Variants in PHAX observed in about 807,000 individuals in gnomAD.
The protein encoded by PHAX is phosphorylated adapter RNA export protein.
Under a neutral mutation model 41.6 loss-of-function variants are expected in PHAX, and 31 were observed. The observed-to-expected ratio is 0.75, with a 90% CI of 0.56 to 1.01. The LOEUF is 1.01. Ranked by LOEUF, PHAX falls within the 50% of genes least tolerant of loss-of-function variation. The pLI is 0.00. For missense variants in PHAX, 453 were observed against 472.9 expected, an observed-to-expected ratio of 0.96 and a Z score of 0.39; for synonymous variants, 175 against 164.9, an observed-to-expected ratio of 1.06 and a Z score of -0.47.
intron 3 of PHAX, among the ~76,000 whole-genome samples, chr5:126,610,263 G>GTA (rs1561680367): frequency 3.3e-5 from 5 of 152,178 alleles, no homozygotes; most frequent in Admixed American, 1.3e-4. Context: ...GAGCACTGGC[G>GTA]GTTATAGAAG....
intron 2 of PHAX, among the ~76,000 whole-genome samples, chr5:126,608,140 A>T (rs1382865081): frequency 7.2e-5 from 11 of 152,174 alleles, no homozygotes; most frequent in Admixed American, 7.2e-4. Flanking sequence ...CAATAAGACA[A>T]ATAAGCCAAT....
At chr5:126,614,632 A>T (rs745464797) in intron 3 of PHAX, among the ~76,000 whole-genome samples, 68 of 152,108 alleles carry the variant, frequency 4.5e-4, no homozygotes, top group Non-Finnish European at 8.1e-4. Context: ...TACACTTAAA[A>T]ATTGTGAAGA....
In PHAX at chr5:126,624,689, C is replaced by G. The variant is rs1561684123; in HGVS notation, c.1030C>G (p.Gln344Glu). The G allele has an allele frequency of 6.2e-7, 1 of 1,613,962 alleles. No individual in the cohort carries two copies. The highest frequency in any genetic ancestry group is 8.5e-7 in the Non-Finnish European group (1 of 1,180,000). The change falls in exon 5 of 5, where the codon CAA (glutamine) becomes GAA (glutamate). Residue 344 changes from glutamine (Q) to glutamate (E), a missense_variant. Gln to Glu is a conservative substitution (Grantham distance 29, BLOSUM62 2). Transcript: ENST00000297540. ...ACAAGCTATTAAAAGTCTAAATTTTCAAGAAGATGATGATACATCACGAGA... is the reference window on the plus strand; with the variant it reads ...ACAAGCTATTAAAAGTCTAAATTTTGAAGAAGATGATGATACATCACGAGA... Reference protein sequence around the residue: ...MKQAIKSLNFQEDDDTSRETF... With the variant: ...MKQAIKSLNFEEDDDTSRETF...
At chr5:126,623,021 G>C (rs1752295293) in intron 4 of PHAX, among the ~76,000 whole-genome samples, 1 of 151,940 alleles carries the variant, frequency 6.6e-6, no homozygotes, top group South Asian at 2.1e-4. Context: ...AGCTACTCTA[G>C]AGGCCAAGGC....
chr5:126,616,880 CAAAA>C (rs35808274), intron 3 of PHAX, among the ~76,000 whole-genome samples: 2 of 91,228 alleles, frequency 2.2e-5, no homozygotes, highest in Non-Finnish European at 2.5e-5. Context: ...AACTCCATCT[CAAAA>C]AAAAAAAAAA....
Position 126,608,574 on chromosome 5 carries a change from G to A in PHAX, c.831+90G>A, listed in dbSNP as rs1342554324. The A allele has an allele frequency of 5.1e-6, 5 of 986,544 alleles. No individual in the cohort carries two copies. In the Admixed American group the frequency reaches 1.0e-4, roughly 20 times the overall value. 61.1% of individuals were successfully genotyped at this position (986,544 alleles called of 1,614,324 possible). A position where few individuals can be genotyped will look rare whatever the true frequency, so the allele number is the denominator to read the frequency against. On this transcript the variant is annotated intron_variant, in intron 3 of 4. Coordinates refer to ENST00000297540, the MANE Select transcript of PHAX (RefSeq NM_032177.4). ...ATTTAACTTTGCCCTTGTTGGATCT[G>A]TGATTTATCATGCATTCTTACAGTA... is the stretch of plus-strand genomic sequence containing the variant.
At chr5:126,622,664 A>T (rs2112838967) in intron 4 of PHAX, among the ~76,000 whole-genome samples, 1 of 152,158 alleles carries the variant, frequency 6.6e-6, no homozygotes, top group Non-Finnish European at 1.5e-5. Context: ...ACTCAGTGTT[A>T]CCAAGCATTA....
chr5:126,607,984 T>G (rs35626152), intron 2 of PHAX, among the ~76,000 whole-genome samples: 9,136 of 152,246 alleles, frequency 0.06, 330 homozygotes, highest in South Asian at 0.11. Flanking sequence ...ATCTCTGGAA[T>G]TATGTGAGCC....
At chr5:126,618,390 A>G (rs1217884787) in intron 4 of PHAX, among the ~76,000 whole-genome samples, 3 of 152,134 alleles carry the variant, frequency 2.0e-5, no homozygotes, top group Non-Finnish European at 2.9e-5. Flanking sequence ...CCAAAAAAAA[A>G]ATACAAAAAA....
chr5:126,626,803 T>TGGGA lies in PHAX; in HGVS notation c.*1962_*1965dup, dbSNP rs1355087841. On this transcript the variant is annotated 3_prime_UTR_variant, in exon 5 of 5. Transcript: ENST00000297540. ...GTGCATGCCTGTAATCTCAGCTATT[T>TGGGA]GGGAGGCCGAGGCAGGAGAATCACT... 7.5e-6 allele frequency: 1 copy of TGGGA among 133,186 alleles called. No individual in the cohort carries two copies. The highest frequency in any genetic ancestry group is 2.2e-4 in the East Asian group (1 of 4,576). 8.3% of individuals were successfully genotyped at this position (133,186 alleles called of 1,614,324 possible).
At chr5:126,609,008 AAAAC>A (rs1390078261) in intron 3 of PHAX, among the ~76,000 whole-genome samples, 1 of 152,010 alleles carries the variant, frequency 6.6e-6, no homozygotes, top group East Asian at 1.9e-4. Flanking sequence ...CCCTGACAAA[AAAAC>A]AAACAAACAA....
chr5:126,608,598 T>C (rs1363932668), intron 3 of PHAX, 114 bp downstream of exon 3: 1 of 812,736 alleles, frequency 1.2e-6, no homozygotes. Flanking sequence ...ATTCTTACAG[T>C]ATGTTTGAAG....
intron 3 of PHAX, among the ~76,000 whole-genome samples, chr5:126,616,017 A>G (rs1170899805): frequency 1.3e-5 from 2 of 148,674 alleles, no homozygotes; most frequent in Admixed American, 1.4e-4. Context: ...AATATTTTCC[A>G]TGGTGGCTAC....
rs200193170 is a variant in PHAX, at chr5:126,624,662, A to G, written c.1003A>G (p.Lys335Glu). 14 of 1,614,068 alleles carry G rather than the reference A, an allele frequency of 8.7e-6. No individual in the cohort carries two copies. Among genetic ancestry groups the G allele is most frequent in the Non-Finnish European group, 1.2e-5 (14 of 1,179,920 alleles). ...RRTQVLGKKM[K>E]QAIKSLNFQE... ...AACACAAGTGTTGGGGAAAAAGATG[A>G]AACAAGCTATTAAAAGTCTAAATTT... Residue 335 changes from lysine to glutamate, a missense_variant, in exon 5 of 5, where the codon AAA becomes GAA. Lys to Glu is a moderately conservative substitution (Grantham distance 56). Transcript: ENST00000297540.
At chr5:126,601,536 C>T (rs1223683576) in intron 1 of PHAX, among the ~76,000 whole-genome samples, 5 of 152,222 alleles carry the variant, frequency 3.3e-5, no homozygotes, top group African/African-American at 4.8e-5. Flanking sequence ...CTCATTTTCT[C>T]CCTGAGCCGA....
rs944074582 is a variant in PHAX, at chr5:126,625,984, C to G, written c.*1140C>G. Reference sequence around the variant, plus strand: ...TGCTGGGATCACAGGCATGAGCCACCGAACCCAGCCTTATTCTGCTTAAAT... The same window carrying G: ...TGCTGGGATCACAGGCATGAGCCACGGAACCCAGCCTTATTCTGCTTAAAT... On this transcript the variant is annotated 3_prime_UTR_variant, in exon 5 of 5. Transcript: ENST00000297540. 1 of 152,180 alleles carries G rather than the reference C, an allele frequency of 6.6e-6. No homozygotes were observed. Among genetic ancestry groups the G allele is most frequent in the Non-Finnish European group, 1.5e-5 (1 of 68,060 alleles). 9.4% of individuals were successfully genotyped at this position (152,180 alleles called of 1,614,324 possible).
At chr5:126,613,706 A>G (rs1257692904) in intron 3 of PHAX, among the ~76,000 whole-genome samples, 3 of 152,068 alleles carry the variant, frequency 2.0e-5, no homozygotes, top group African/African-American at 2.4e-5. Context: ...ATATGTGTCA[A>G]AATGTTACAG....
chr5:126,622,378 C>T (rs551078593), intron 4 of PHAX, among the ~76,000 whole-genome samples: 3 of 151,302 alleles, frequency 2.0e-5, no homozygotes, highest in South Asian at 4.2e-4. Context: ...GTGATCCGCC[C>T]GCCTCAGCCT....
rs147222444 is a variant in PHAX at position 126,607,839 on chromosome 5, G to A, written c.711-525G>A. Reference sequence around the variant, plus strand: ...ATTCTTGAGAGAATCAGCTGGCATAGTGCATGTAAGGTTCTTAGGATTGTG... The same window carrying A: ...ATTCTTGAGAGAATCAGCTGGCATAATGCATGTAAGGTTCTTAGGATTGTG... On this transcript the variant is annotated intron_variant, in intron 2 of 4. Transcript: ENST00000297540. 7.9e-4 allele frequency among the ~76,000 whole-genome samples: 120 copies of A among 152,264 alleles called. 1 individual carries two copies. The highest frequency in any genetic ancestry group is 2.8e-3 in the African/African-American group (118 of 41,556).
Sources: gnomAD v4.1 joint callset for allele counts (sites outside exome capture counted in the v4.1 genomes callset) on GRCh38, gnomAD v4.1.1 for gene constraint, MANE v1.5 for transcripts, NCBI Gene and HGNC (gene_info 2026-07-23, HGNC 2026-07-21) for gene names.